Variants in PRDM1 observed in about 807,000 individuals in gnomAD.
PRDM1 encodes the protein PR/SET domain 1, also known as PR domain zinc finger protein 1.
A neutral mutation model predicts 62.8 loss-of-function variants in PRDM1; 13 were observed. That is an observed-to-expected ratio of 0.21 (90% CI 0.13 to 0.33). The LOEUF is 0.33. Ranked by LOEUF, PRDM1 falls within the 10% of genes least tolerant of loss-of-function variation. The probability of loss-of-function intolerance (pLI) is 1.00; values close to 1 mark genes in which losing one functional copy is unlikely to be tolerated. For missense variants in PRDM1, 895 were observed against 1,058.8 expected (o/e 0.85, Z 2.15); for synonymous variants, 396 against 417.6 (o/e 0.95, Z 0.63).
At chr6:106,020,802 A>G (rs1379218870) in intron 1 of PRDM1, among the ~76,000 whole-genome samples, 1 of 152,200 alleles carries the variant, frequency 6.6e-6, no homozygotes, top group African/African-American at 2.4e-5. Context: ...GTAATTTATA[A>G]ATTGATTGTT....
chr6:106,097,249 T>A (rs1025320913), intron 3 of PRDM1, among the ~76,000 whole-genome samples: 3 of 152,190 alleles, frequency 2.0e-5, no homozygotes, highest in African/African-American at 7.2e-5. Flanking sequence ...GTTCTTGGAG[T>A]TAAAGGTCTG....
chr6:106,048,073 T>C (rs1180663826), upstream of PRDM1, among the ~76,000 whole-genome samples: 1 of 152,144 alleles, frequency 6.6e-6, no homozygotes, highest in Non-Finnish European at 1.5e-5. Context: ...AAAAGTTCCT[T>C]TTCCTTTTCT....
rs181904249 is a variant in PRDM1 at position 106,037,256 on chromosome 6, G to C, written c.-67+43617G>C. On this transcript the variant is annotated intron_variant, in intron 1 of 6. Coordinates refer to the PRDM1 transcript ENST00000652320. ...TTCTTGCCCCTAAAATTCCTGATGA[G>C]AAATCAGTTGATGATCTCATTGAGG... Among the ~76,000 whole-genome samples the C allele has an allele frequency of 2.1e-3, 326 of 152,260 alleles. 1 individual carries two copies. Among genetic ancestry groups the C allele is most frequent in the Non-Finnish European group, 3.0e-3 (203 of 68,012 alleles).
chr6:106,089,744 C>T (rs1773910898), intron 2 of PRDM1, among the ~76,000 whole-genome samples: 1 of 152,194 alleles, frequency 6.6e-6, no homozygotes, highest in African/African-American at 2.4e-5. Context: ...TAGAAAGTCT[C>T]TCAATATGTG....
At chr6:106,101,221 CT>C (rs1393887471) in intron 4 of PRDM1, among the ~76,000 whole-genome samples, 1 of 152,064 alleles carries the variant, frequency 6.6e-6, no homozygotes. Flanking sequence ...AGAGGAAAGT[CT>C]TTTGATTTTT....
At position 106,088,231 on chromosome 6, in the gene PRDM1, AG is replaced by A. The variant is rs761592182; in HGVS notation, c.75del (p.Arg25SerfsTer13). 5.9e-5 allele frequency: 96 copies of A among 1,613,632 alleles called. No homozygotes were observed. The African/African-American group carries it at 1.2e-3, about 20-fold the overall frequency. ...CCCCAAGTGTAACTCCAGCACTGTG[AG>A]GTTTCAGGGATTGGCAGAGGGGACC... ...AAPKCNSSTV[R>X]FQGLAEGTKG... On this transcript the variant is annotated frameshift_variant, in exon 2 of 7. Coordinates refer to ENST00000369096, the MANE Select transcript of PRDM1 (RefSeq NM_001198.4). LOFTEE classifies it high-confidence loss of function.
rs1483248846 is a variant in PRDM1, at chr6:106,109,247, G to T, written c.*1761G>T. 4.3e-6 allele frequency: 1 copy of T among 231,860 alleles called. No individual in the cohort carries two copies. The highest frequency in any genetic ancestry group is 2.2e-5 in the African/African-American group (1 of 45,230). 14.4% of individuals were successfully genotyped at this position (231,860 alleles called of 1,614,324 possible). A position where few individuals can be genotyped will look rare whatever the true frequency, so the allele number is the denominator to read the frequency against. ...GTGGGGACCACAAAACAACCAGGGAGGAAGAGATACATCATTTTTTAGTAT... is the reference window on the plus strand; with the variant it reads ...GTGGGGACCACAAAACAACCAGGGATGAAGAGATACATCATTTTTTAGTAT... On this transcript the variant is annotated 3_prime_UTR_variant, in exon 7 of 7. Coordinates refer to ENST00000369096, the MANE Select transcript of PRDM1 (RefSeq NM_001198.4).
upstream of PRDM1, among the ~76,000 whole-genome samples, chr6:106,082,584 T>C (rs1337707502): frequency 6.6e-6 from 1 of 152,224 alleles, no homozygotes; most frequent in Non-Finnish European, 1.5e-5. Flanking sequence ...CTATAAATAC[T>C]CTGAGACCTT....
chr6:106,050,312 C>A (rs1464943018), intron 1 of PRDM1, among the ~76,000 whole-genome samples: 7 of 152,234 alleles, frequency 4.6e-5, no homozygotes, highest in Middle Eastern at 3.4e-3. Flanking sequence ...AAGATAAAAT[C>A]TTGGATAAGT....
At chr6:106,013,032 G>A (rs1259257843) in intron 1 of PRDM1, among the ~76,000 whole-genome samples, 2 of 151,954 alleles carry the variant, frequency 1.3e-5, no homozygotes, top group African/African-American at 2.4e-5. Flanking sequence ...GATTACAAGC[G>A]CGCGCAATCA....
rs1233668957 is a variant in PRDM1 at position 105,994,934 on chromosome 6, GT to G, written c.-67+1301del. 6.6e-6 allele frequency among the ~76,000 whole-genome samples: 1 copy of G among 152,214 alleles called. No individual in the cohort carries two copies. Among genetic ancestry groups the G allele is most frequent in the Non-Finnish European group, 1.5e-5 (1 of 68,030 alleles). On this transcript the variant is annotated intron_variant, in intron 1 of 6. Transcript: ENST00000652320. This position sits in a 1 kb window ranked among gnomAD's most constrained non-coding sequence, Gnocchi z 4.1. ...GCCTCCCGGCTTGCGGAGGGCTTGA[GT>G]TTTTTGGCGGAGACAGAGGAAAGCC... is the stretch of plus-strand genomic sequence containing the variant.
chr6:106,033,058 C>A (rs1343052353), intron 1 of PRDM1, among the ~76,000 whole-genome samples: 1 of 108,614 alleles, frequency 9.2e-6, no homozygotes, highest in Non-Finnish European at 1.8e-5. Context: ...TTAGAGATAA[C>A]AAAACATGGG....
intron 1 of PRDM1, among the ~76,000 whole-genome samples, chr6:106,035,285 T>G (rs955205362): frequency 1.3e-5 from 2 of 152,210 alleles, no homozygotes; most frequent in Non-Finnish European, 1.5e-5. Context: ...AGCCTTTTAT[T>G]AATAAAATAC....
chr6:106,082,927 T>C (rs1773717421), upstream of PRDM1, among the ~76,000 whole-genome samples: 1 of 152,110 alleles, frequency 6.6e-6, no homozygotes, highest in Non-Finnish European at 1.5e-5. Flanking sequence ...CATTGTAACA[T>C]AGCATGTGTC....
At chr6:106,016,823 T>G (rs141286436) in intron 1 of PRDM1, among the ~76,000 whole-genome samples, 2,036 of 152,112 alleles carry the variant, frequency 0.013, 17 homozygotes, top group Non-Finnish European at 0.019. Flanking sequence ...CCAGCTAATT[T>G]TTGTATTTTT....
chr6:106,029,615 A>AT lies in PRDM1; in HGVS notation c.-67+35985dup, dbSNP rs576214043. On this transcript the variant is annotated intron_variant, in intron 1 of 6. Coordinates refer to the PRDM1 transcript ENST00000652320. ...TTCAACTTTTTGGTTTTTTTCTTTT[A>AT]TTTTTTTTTGTGACAGGGCCTCACT... Among the ~76,000 whole-genome samples, 37 of 149,800 alleles carry AT rather than the reference A, an allele frequency of 2.5e-4. No individual in the cohort carries two copies. In the East Asian group the frequency reaches 2.5e-3, roughly 10 times the overall value.
intron 1 of PRDM1, among the ~76,000 whole-genome samples, chr6:106,028,651 C>T (rs537172738): frequency 2.0e-5 from 3 of 152,240 alleles, no homozygotes; most frequent in Admixed American, 6.5e-5. Context: ...GTACAATGAA[C>T]TGCACATATT....
At chr6:106,071,647 G>A (rs1164971201) in intron 1 of PRDM1, among the ~76,000 whole-genome samples, 1 of 152,188 alleles carries the variant, frequency 6.6e-6, no homozygotes, top group Non-Finnish European at 1.5e-5. Flanking sequence ...TCTGAGTACA[G>A]AACTCAGGTC....
chr6:106,072,809 A>T (rs1363319450), intron 1 of PRDM1, among the ~76,000 whole-genome samples: 2 of 152,356 alleles, frequency 1.3e-5, no homozygotes. Flanking sequence ...AATACTCCTC[A>T]TCCCACACAG....
Sources: allele counts gnomAD v4.1 joint callset (sites outside exome capture counted in the v4.1 genomes callset), GRCh38; gene constraint gnomAD v4.1.1; non-coding constraint Gnocchi (gnomAD v3.1); transcripts MANE v1.5; gene names NCBI Gene and HGNC (gene_info 2026-07-23, HGNC 2026-07-21).